Variants in FABP1 observed in about 807,000 individuals in gnomAD.
FABP1 encodes the protein fatty acid binding protein 1.
Under a neutral mutation model 13.7 loss-of-function variants are expected in FABP1, and 13 were observed. The ratio of observed to expected loss-of-function variants is 0.95; its 90% CI spans 0.62 to 1.51. The LOEUF is 1.51. Among genes scored for constraint, FABP1 ranks in the 40% most tolerant of loss-of-function variants. The pLI, the probability that FABP1 is intolerant of heterozygous loss-of-function variation, is 0.00. For synonymous variants in FABP1, 48 were observed against 59.8 expected (o/e 0.80, Z 0.91); for missense variants, 140 against 155.7 (o/e 0.90, Z 0.54).
At chr2:88,126,458 G>A in intron 1 of FABP1, 110 bp from the exon 2 acceptor site, 2 of 1,134,186 alleles carry the variant, frequency 1.8e-6, no homozygotes, top group Non-Finnish European at 2.6e-6. Context: ...AGGGCACTGT[G>A]TCTCCCAAGG....
intron 2 of FABP1, 164 bp downstream of exon 2, chr2:88,126,012 G>T: frequency 1.4e-6 from 1 of 702,326 alleles, no homozygotes; most frequent in Non-Finnish European, 2.4e-6. Flanking sequence ...TTCTCTATAA[G>T]ATTCTTCCCT....
At chr2:88,124,455 A>G in intron 3 of FABP1, 39 bp downstream of exon 3, 2 of 1,517,148 alleles carry the variant, frequency 1.3e-6, no homozygotes, top group Admixed American at 1.8e-5. Flanking sequence ...TCTCCCCTCA[A>G]GCACTGGGAG....
intron 2 of FABP1, 50 bp downstream of exon 2, chr2:88,126,126 A>C (rs758944716): frequency 1.3e-6 from 2 of 1,553,308 alleles, no homozygotes; most frequent in Non-Finnish European, 1.8e-6. Flanking sequence ...ATGAGGTCCC[A>C]GGGCCAGGTT....
intron 1 of FABP1, 71 bp downstream of exon 1, chr2:88,127,880 A>G: frequency 6.8e-7 from 1 of 1,478,892 alleles, no homozygotes; most frequent in Non-Finnish European, 9.5e-7. Flanking sequence ...TGGACCCTAA[A>G]TAGCCACTGC....
intron 1 of FABP1, among the ~76,000 whole-genome samples, chr2:88,127,233 C>T (rs570089131): frequency 6.6e-6 from 1 of 152,280 alleles, no homozygotes; most frequent in African/African-American, 2.4e-5. Context: ...TCCACTGAGC[C>T]ATCCCCCCAT....
chr2:88,126,150 T>C (rs756108852), intron 2 of FABP1, 26 bp downstream of exon 2: 1 of 1,580,380 alleles, frequency 6.3e-7, no homozygotes, highest in Non-Finnish European at 8.7e-7. Flanking sequence ...AGGAAAGTTC[T>C]GACAGCAGAA....
chr2:88,126,424 C>T lies in FABP1; in HGVS notation c.68-76G>A, dbSNP rs545093712. The T allele has an allele frequency of 6.7e-5, 98 of 1,457,732 alleles. No individual in the cohort carries two copies. The Admixed American group carries it at 7.4e-4, about 11-fold the overall frequency. 90.3% of individuals were successfully genotyped at this position (1,457,732 alleles called of 1,614,324 possible). A position where few individuals can be genotyped will look rare whatever the true frequency, so the allele number is the denominator to read the frequency against. On this transcript the variant is annotated intron_variant, in intron 1 of 3. Coordinates refer to ENST00000295834, the MANE Select transcript of FABP1 (RefSeq NM_001443.3). ...GACCGTGGTAGGTAGGTGAGAGAAA[C>T]GACATGACATGGAGGGACAGAGAAG...
At chr2:88,124,466 C>A in intron 3 of FABP1, 28 bp downstream of exon 3, 1 of 1,566,462 alleles carries the variant, frequency 6.4e-7, no homozygotes, top group Non-Finnish European at 8.7e-7. Flanking sequence ...GCACTGGGAG[C>A]CACACGCTCA....
chr2:88,127,864 A>G, intron 1 of FABP1, 87 bp downstream of exon 1: 4 of 1,338,640 alleles, frequency 3.0e-6, no homozygotes, highest in Non-Finnish European at 4.3e-6. Flanking sequence ...CCCCCATCTC[A>G]ACATTTGGAC....
intron 2 of FABP1, 138 bp downstream of exon 2, chr2:88,126,038 C>T (rs1675290221): frequency 2.3e-6 from 2 of 879,444 alleles, no homozygotes; most frequent in Admixed American, 2.3e-5. Context: ...CTGCCTTTGT[C>T]TCTCTGCTTC....
intron 3 of FABP1, chr2:88,124,261 G>A (rs531239717): frequency 6.8e-5 from 32 of 469,834 alleles, no homozygotes; most frequent in African/African-American, 4.5e-4. Flanking sequence ...GCAGGTGGAG[G>A]CCTCTGTGGC....
chr2:88,127,111 T>A (rs1675312459), intron 1 of FABP1, among the ~76,000 whole-genome samples: 1 of 152,006 alleles, frequency 6.6e-6, no homozygotes, highest in Non-Finnish European at 1.5e-5. Context: ...GCACCCTCCC[T>A]TGCCATGCCA....
Position 88,127,974 on chromosome 2 carries a change from A to G in FABP1, c.44T>C (p.Phe15Ser). 1 of 1,614,194 alleles carries G rather than the reference A, an allele frequency of 6.2e-7. No individual in the cohort carries two copies. Among genetic ancestry groups the G allele is most frequent in the Non-Finnish European group, 8.5e-7 (1 of 1,180,028 alleles). Reference protein sequence around the residue: ...GKYQLQSQENFEAFMKAIGLP... With the variant: ...GKYQLQSQENSEAFMKAIGLP... Reference sequence around the variant, plus strand: ...ACCGATTGCCTTCATGAAGGCTTCAAAGTTTTCCTGGCTCTGCAGTTGGTA... The same window carrying G: ...ACCGATTGCCTTCATGAAGGCTTCAGAGTTTTCCTGGCTCTGCAGTTGGTA... Residue 15 changes from phenylalanine to serine, a missense_variant, in exon 1 of 4, where the codon TTT becomes TCT. Coordinates refer to ENST00000295834, the MANE Select transcript of FABP1 (RefSeq NM_001443.3).
At chr2:88,126,008 A>G (rs1384407851) in intron 2 of FABP1, 168 bp downstream of exon 2, 7 of 671,434 alleles carry the variant, frequency 1.0e-5, no homozygotes, top group Admixed American at 7.7e-5. Context: ...CAGCTTCTCT[A>G]TAAGATTCTT....
chr2:88,126,124 C>G, intron 2 of FABP1, 52 bp downstream of exon 2: 1 of 1,547,568 alleles, frequency 6.5e-7, no homozygotes, highest in African/African-American at 1.3e-5. Context: ...GAATGAGGTC[C>G]CAGGGCCAGG....
Position 88,123,027 on chromosome 2 carries a change from C to G in FABP1, c.*27G>C. ...CACTTTATTACATTAATTTTACACACTAAAATAATATGAAATGCAGACTTG... is the reference window on the plus strand; with the variant it reads ...CACTTTATTACATTAATTTTACACAGTAAAATAATATGAAATGCAGACTTG... On this transcript the variant is annotated 3_prime_UTR_variant, in exon 4 of 4. Transcript: ENST00000295834. The G allele has an allele frequency of 6.3e-7, 1 of 1,579,694 alleles. No individual in the cohort carries two copies. Among genetic ancestry groups the G allele is most frequent in the East Asian group, 2.2e-5 (1 of 44,592 alleles).
In FABP1 at chr2:88,123,069, G is replaced by T; in HGVS notation, c.369C>A (p.Ile123=). The T allele has an allele frequency of 6.2e-7, 1 of 1,611,430 alleles. No individual in the cohort carries two copies. The highest frequency in any genetic ancestry group is 8.5e-7 in the Non-Finnish European group (1 of 1,178,892). The change falls in exon 4 of 4, where the codon ATC becomes ATA. Residue 123 remains isoleucine, a synonymous_variant. Coordinates refer to ENST00000295834, the MANE Select transcript of FABP1 (RefSeq NM_001443.3). ...GCAGACTTGTTTAAATTCTCTTGCT[G>T]ATTCTCTTGAAGACAATGTCACCCA... The part of the protein sequence containing the change: ...MTLGDIVFKR[I]SKRI
At chr2:88,126,529 G>C in intron 1 of FABP1, 181 bp from the exon 2 acceptor site, 1 of 603,906 alleles carries the variant, frequency 1.7e-6, no homozygotes. Context: ...GAAAGGAAGG[G>C]ACAGTGACCT....
intron 1 of FABP1, chr2:88,126,590 C>G (rs1675302626): frequency 9.3e-6 from 4 of 430,592 alleles, no homozygotes; most frequent in African/African-American, 5.8e-5. Context: ...GGACACTCTT[C>G]TGGCCTGAAG....
Sources: allele counts gnomAD v4.1 joint callset (sites outside exome capture counted in the v4.1 genomes callset), GRCh38; gene constraint gnomAD v4.1.1; transcripts MANE v1.5; gene names NCBI Gene and HGNC (gene_info 2026-07-23, HGNC 2026-07-21).